Variants in SLC6A6 observed in about 807,000 individuals in gnomAD.
The protein encoded by SLC6A6 is solute carrier family 6 member 6.
Under a neutral mutation model 68.8 loss-of-function variants are expected in SLC6A6, and 16 were observed. That is an observed-to-expected ratio of 0.23 (90% CI 0.16 to 0.35). The LOEUF (loss-of-function observed/expected upper bound fraction) is 0.35. Among genes scored for constraint, SLC6A6 ranks in the 10% least tolerant of loss-of-function variants. SLC6A6 has a pLI of 1.00. For missense variants in SLC6A6, 474 were observed against 802.8 expected (o/e 0.59, Z 4.95); for synonymous variants, 312 against 315.4 (o/e 0.99, Z 0.12).
chr3:14,452,181 T>C (rs1355441491), intron 5 of SLC6A6, among the ~76,000 whole-genome samples: 1 of 152,118 alleles, frequency 6.6e-6, no homozygotes, highest in Non-Finnish European at 1.5e-5. Flanking sequence ...CAGCAATGGG[T>C]GACATTCCCC....
intron 10 of SLC6A6, among the ~76,000 whole-genome samples, chr3:14,475,076 G>A (rs1027357319): frequency 1.3e-5 from 2 of 152,240 alleles, no homozygotes; most frequent in Non-Finnish European, 2.9e-5. Flanking sequence ...CTGTCGCCCA[G>A]GTTAGAGTGC....
rs56135743 is a variant in SLC6A6, at chr3:14,443,702, G to C, written c.68G>C (p.Gly23Ala). ...AAGGACATCCTGAAGCCCTCACCAG[G>C]GAAGAGCCCAGGCACGCGGCCTGAG... Reference protein sequence around the residue: ...FHKDILKPSPGKSPGTRPEDE... With the variant: ...FHKDILKPSPAKSPGTRPEDE... Residue 23 changes from glycine to alanine, a missense_variant, in exon 3 of 15, where the codon GGG becomes GCG. Physicochemically the swap from Gly to Ala is moderately conservative, Grantham distance 60 (BLOSUM62 0). Around this residue, in one of 2 missense-constraint regions of SLC6A6, gnomAD observed 280 missense variants for 533.1 expected, o/e 0.53. Coordinates refer to ENST00000622186, the MANE Select transcript of SLC6A6 (RefSeq NM_003043.6). The C allele has an allele frequency of 1.7e-5, 27 of 1,614,194 alleles. No homozygotes were observed. Among genetic ancestry groups the C allele is most frequent in the Non-Finnish European group, 2.1e-5 (25 of 1,180,024 alleles).
chr3:14,455,024 C>T (rs1032778049), intron 5 of SLC6A6, among the ~76,000 whole-genome samples: 25 of 152,202 alleles, frequency 1.6e-4, no homozygotes, highest in African/African-American at 6.0e-4. Context: ...ACAAGCTCCT[C>T]TTGATGGACA....
At position 14,466,654 on chromosome 3, in the gene SLC6A6, C is replaced by A. The variant is rs202103441; in HGVS notation, c.867+4C>A. 1 of 1,608,006 alleles carries A rather than the reference C, an allele frequency of 6.2e-7. No individual in the cohort carries two copies. The highest frequency in any genetic ancestry group is 2.2e-5 in the East Asian group (1 of 44,744). On this transcript the variant is annotated splice_donor_region_variant and intron_variant, in intron 7 of 14. Coordinates refer to ENST00000622186, the MANE Select transcript of SLC6A6 (RefSeq NM_003043.6). ...CACCCGCCTTGAGGACCCACAGGTA[C>A]TGTGGGGCTGGGACACACCATCCTC...
Position 14,430,236 on chromosome 3 carries a change from A to G in SLC6A6, c.-11-13388A>G, listed in dbSNP as rs569109906. Among the ~76,000 whole-genome samples the G allele has an allele frequency of 9.9e-5, 15 of 152,282 alleles. 1 individual carries two copies. The South Asian group carries it at 2.9e-3, about 29-fold the overall frequency. On this transcript the variant is annotated intron_variant, in intron 2 of 14. Transcript: ENST00000622186. ...ATTATTATCTAGGCAGCTGGGAGTC[A>G]CTGATAGTTCTTGAGCTGGGGGCTG...
chr3:14,433,144 A>G (rs1699768010), intron 2 of SLC6A6, among the ~76,000 whole-genome samples: 1 of 151,976 alleles, frequency 6.6e-6, no homozygotes, highest in African/African-American at 2.4e-5. Context: ...TACCCCTGTG[A>G]TGGCCCTGGG....
Position 14,436,530 on chromosome 3 carries a change from C to G in SLC6A6, c.-11-7094C>G, listed in dbSNP as rs542174690. On this transcript the variant is annotated intron_variant, in intron 2 of 14. Transcript: ENST00000622186. ...GGAATAGCACTCTTAACAACAACTC[C>G]CTTTTTTTTTTTTTTTTTTTTTTTT... is the stretch of plus-strand genomic sequence containing the variant. 6.0e-3 allele frequency among the ~76,000 whole-genome samples: 751 copies of G among 125,172 alleles called. 9 individuals carry two copies. Among genetic ancestry groups the G allele is most frequent in the Admixed American group, 0.012 (131 of 10,742 alleles). 82.1% of individuals were successfully genotyped at this position (125,172 alleles called of 152,430 possible).
chr3:14,448,144 A>G (rs184238115), intron 5 of SLC6A6: 5 of 988,496 alleles, frequency 5.1e-6, no homozygotes, highest in African/African-American at 5.0e-5. Flanking sequence ...AGTTTTCTTA[A>G]TGTATTTTAG....
rs375263510 is a variant in SLC6A6, at chr3:14,416,730, G to A, written c.-12+277G>A. On this transcript the variant is annotated intron_variant, in intron 2 of 14. Coordinates refer to ENST00000622186, the MANE Select transcript of SLC6A6 (RefSeq NM_003043.6). ...AGCACTGGTTTTGGAGATCCAGCCT[G>A]TGCCCTGTCCTGGCTCTGCTGCAGA... is the stretch of plus-strand genomic sequence containing the variant. Among the ~76,000 whole-genome samples the A allele has an allele frequency of 8.5e-5, 13 of 152,392 alleles. No homozygotes were observed. In the East Asian group the frequency reaches 1.9e-3, roughly 23 times the overall value.
At chr3:14,469,132 C>T (rs182315741) in intron 9 of SLC6A6, among the ~76,000 whole-genome samples, 36 of 152,240 alleles carry the variant, frequency 2.4e-4, no homozygotes, top group African/African-American at 5.8e-4. Context: ...TCCACCTTTC[C>T]GACCTCTCCA....
intron 5 of SLC6A6, among the ~76,000 whole-genome samples, chr3:14,455,466 G>T (rs3773180): frequency 0.39 from 59,623 of 152,070 alleles, 11,897 homozygotes; most frequent in South Asian, 0.44. Context: ...CTTGTGACTG[G>T]GCATCTTATC....
At chr3:14,416,372 G>T in intron 1 of SLC6A6, 40 bp from the exon 2 acceptor site, 1 of 398,486 alleles carries the variant, frequency 2.5e-6, no homozygotes, top group Admixed American at 4.4e-5. Flanking sequence ...CCTCTGACCA[G>T]ATCTCTTTCT....
Position 14,468,345 on chromosome 3 carries a change from C to CCT in SLC6A6, c.1096+133_1096+134insCT. ...TGGTTTCTAAAATGGACCCCCCCCC[C>CCT]GCCACCAAGATATCCCCCAAATTTC... On this transcript the variant is annotated intron_variant, in intron 9 of 14. Coordinates refer to ENST00000622186, the MANE Select transcript of SLC6A6 (RefSeq NM_003043.6). The surrounding 1 kb of genome is among the most constrained non-coding windows in gnomAD (Gnocchi z 4.5). The CCT allele has an allele frequency of 6.9e-6, 5 of 719,442 alleles. No individual in the cohort carries two copies. The highest frequency in any genetic ancestry group is 1.1e-5 in the Non-Finnish European group (5 of 464,024). The allele number at this position is 719,442 out of a possible 1,614,324, so 44.6% of individuals were successfully genotyped here.
intron 6 of SLC6A6, among the ~76,000 whole-genome samples, chr3:14,459,179 C>T (rs773008996): frequency 6.6e-6 from 1 of 152,194 alleles, no homozygotes; most frequent in Non-Finnish European, 1.5e-5. Flanking sequence ...CAGTGACTCA[C>T]ATCCCAAAAG....
rs562041574 is a variant in SLC6A6, at chr3:14,470,506, G to A, written c.1097-1699G>A. Among the ~76,000 whole-genome samples the A allele has an allele frequency of 1.7e-3, 262 of 152,302 alleles. 2 individuals carry two copies. The highest frequency in any genetic ancestry group is 5.9e-3 in the African/African-American group (244 of 41,558). On this transcript the variant is annotated intron_variant, in intron 9 of 14. Coordinates refer to ENST00000622186, the MANE Select transcript of SLC6A6 (RefSeq NM_003043.6). ...TCACCATGCACTTTTAGAGAAAGAC[G>A]CTCAGACCCTCTCCCAGAGGCTCGC...
chr3:14,474,022 G>T (rs2124990025), intron 10 of SLC6A6, among the ~76,000 whole-genome samples: 1 of 152,318 alleles, frequency 6.6e-6, no homozygotes. Flanking sequence ...CACACGGAGA[G>T]AATCTGGTGG....
chr3:14,467,285 G>A (rs1700642067), intron 7 of SLC6A6, among the ~76,000 whole-genome samples: 1 of 152,186 alleles, frequency 6.6e-6, no homozygotes, highest in South Asian at 2.1e-4. Context: ...AGAGGGGTTG[G>A]CCAGCCTTGG....
chr3:14,409,139 G>A (rs1699178906), intron 1 of SLC6A6, among the ~76,000 whole-genome samples: 4 of 152,188 alleles, frequency 2.6e-5, no homozygotes, highest in Admixed American at 2.6e-4. Context: ...AAAATGACAT[G>A]GTACTGTTCT....
At chr3:14,448,045 C>T in intron 5 of SLC6A6, 3 of 1,261,568 alleles carry the variant, frequency 2.4e-6, no homozygotes, top group South Asian at 1.6e-5. Flanking sequence ...CTTTCTGAGC[C>T]TCAGTTTCTT....
Sources: gnomAD v4.1 joint callset for allele counts (sites outside exome capture counted in the v4.1 genomes callset) on GRCh38, gnomAD v4.1.1 for gene constraint, gnomAD v4.1.1 regional missense constraint, Gnocchi (gnomAD v3.1) non-coding constraint, MANE v1.5 for transcripts, NCBI Gene and HGNC (gene_info 2026-07-23, HGNC 2026-07-21) for gene names.